The following GLRA3 variants were observed in gnomAD, a reference collection of about 807,000 sequenced individuals.
The protein encoded by GLRA3 is glycine receptor subunit alpha-3.
A neutral mutation model predicts 60.4 loss-of-function variants in GLRA3; 44 were observed. The ratio of observed to expected loss-of-function variants is 0.73; its 90% CI spans 0.57 to 0.94. The LOEUF is 0.94. GLRA3 is among the 40% of genes least tolerant of loss of function. The pLI is 0.00. For missense variants in GLRA3, 508 were observed against 564.6 expected (o/e 0.90, Z 1.02); for synonymous variants, 223 against 192.9 (o/e 1.16, Z -1.29).
At chr4:174,649,970 T>C (rs1017182963) in intron 9 of GLRA3, among the ~76,000 whole-genome samples, 1 of 152,092 alleles carries the variant, frequency 6.6e-6, no homozygotes, top group Non-Finnish European at 1.5e-5. Flanking sequence ...GTCCAGATCA[T>C]TGTCAAAAGT....
At chr4:174,748,998 T>C (rs934686880) in intron 3 of GLRA3, among the ~76,000 whole-genome samples, 5 of 152,206 alleles carry the variant, frequency 3.3e-5, no homozygotes, top group African/African-American at 1.2e-4. Flanking sequence ...TATGGGATTA[T>C]AGTATCATTG....
At chr4:174,759,172 G>T (rs1737844218) in intron 3 of GLRA3, among the ~76,000 whole-genome samples, 1 of 152,068 alleles carries the variant, frequency 6.6e-6, no homozygotes, top group Non-Finnish European at 1.5e-5. Flanking sequence ...GTGGCAGAGT[G>T]TGTAAGTACT....
chr4:174,819,545 C>T (rs1578938912), intron 1 of GLRA3, among the ~76,000 whole-genome samples: 2 of 152,180 alleles, frequency 1.3e-5, no homozygotes, highest in East Asian at 1.9e-4. Flanking sequence ...AATATTTCCT[C>T]CTTCTTTATA....
At chr4:174,796,605 T>A (rs1282039086) in intron 1 of GLRA3, among the ~76,000 whole-genome samples, 2 of 151,958 alleles carry the variant, frequency 1.3e-5, no homozygotes, top group Non-Finnish European at 2.9e-5. Context: ...GGCGCGATCT[T>A]GGCTGACTGA....
intron 3 of GLRA3, among the ~76,000 whole-genome samples, chr4:174,764,227 T>G (rs1738049943): frequency 6.8e-6 from 1 of 147,396 alleles, no homozygotes; most frequent in Admixed American, 6.6e-5. Context: ...AATAGAGAAA[T>G]TTTCCCAAGG....
chr4:174,643,875 A>C lies in GLRA3; in HGVS notation c.1306T>G (p.Phe436Val). The C allele has an allele frequency of 1.2e-6, 2 of 1,614,136 alleles. No individual in the cohort carries two copies. Among genetic ancestry groups the C allele is most frequent in the South Asian group, 2.2e-5 (2 of 91,080 alleles). Residue 436 changes from phenylalanine to valine, a missense_variant, in exon 10 of 10, where the codon TTC becomes GTC. Phe to Val is a conservative substitution (Grantham distance 50). Around this residue, in one of 3 missense-constraint regions of GLRA3, gnomAD observed 176 missense variants for 197.9 expected, o/e 0.89. Transcript: ENST00000274093. The stretch of plus-strand genomic sequence containing the variant: ...TTAAAAATCAAAAAAGCTAATGGGA[A>C]GCAGGCTCGGGAGATGGTATCAATC... ...KKIDTISRACFPLAFLIFNIF... is the reference protein window; with the variant it reads ...KKIDTISRACVPLAFLIFNIF...
intron 2 of GLRA3, among the ~76,000 whole-genome samples, chr4:174,779,092 C>T (rs1178490620): frequency 6.6e-6 from 1 of 152,180 alleles, no homozygotes; most frequent in African/African-American, 2.4e-5. Flanking sequence ...TTGAAGAGAG[C>T]AGTGGTTCTC....
chr4:174,713,113 A>G (rs963213704), intron 5 of GLRA3, among the ~76,000 whole-genome samples: 1 of 152,144 alleles, frequency 6.6e-6, no homozygotes, highest in African/African-American at 2.4e-5. Context: ...GAGGTTTAAT[A>G]AACAAAGTCT....
intron 1 of GLRA3, among the ~76,000 whole-genome samples, chr4:174,819,244 GA>G (rs1410058143): frequency 6.6e-6 from 1 of 152,152 alleles, no homozygotes; most frequent in Non-Finnish European, 1.5e-5. Context: ...TGCTGACAAT[GA>G]AAAATTTTGT....
chr4:174,822,008 C>T (rs1740759512), intron 1 of GLRA3, among the ~76,000 whole-genome samples: 1 of 152,114 alleles, frequency 6.6e-6, no homozygotes, highest in Admixed American at 6.5e-5. Context: ...TTGAATTAAA[C>T]ATTATGGAGG....
chr4:174,796,210 T>C (rs1739558490), intron 1 of GLRA3, among the ~76,000 whole-genome samples: 1 of 152,054 alleles, frequency 6.6e-6, no homozygotes, highest in Admixed American at 6.6e-5. Flanking sequence ...GAGGTTACAG[T>C]GAAAAGAGAG....
intron 2 of GLRA3, among the ~76,000 whole-genome samples, chr4:174,788,287 T>C (rs1739196490): frequency 6.6e-6 from 1 of 152,048 alleles, no homozygotes; most frequent in Non-Finnish European, 1.5e-5. Flanking sequence ...ACAATTACAC[T>C]CTTTCCTAGA....
chr4:174,811,185 G>GTTT (rs76452779), intron 1 of GLRA3, among the ~76,000 whole-genome samples: 36 of 113,942 alleles, frequency 3.2e-4, no homozygotes, highest in African/African-American at 9.4e-4. Context: ...TTCCCCGCCT[G>GTTT]TTTTTTTTTT....
At chr4:174,767,161 C>A in intron 2 of GLRA3, 131 bp from the exon 3 acceptor site, 1 of 532,400 alleles carries the variant, frequency 1.9e-6, no homozygotes, top group Non-Finnish European at 3.4e-6. Context: ...CACACAGATG[C>A]TTAAAATTGA....
chr4:174,725,251 A>G (rs112326131), intron 4 of GLRA3, among the ~76,000 whole-genome samples: 41 of 152,192 alleles, frequency 2.7e-4, no homozygotes, highest in African/African-American at 9.9e-4. Context: ...ATTCTGTTTT[A>G]TGGTTCACTG....
At chr4:174,796,260 T>C (rs1739561513) in intron 1 of GLRA3, among the ~76,000 whole-genome samples, 1 of 152,106 alleles carries the variant, frequency 6.6e-6, no homozygotes, top group South Asian at 2.1e-4. Context: ...ACCAGACAAT[T>C]TGCTGGTGCT....
chr4:174,692,381 C>T (rs1259126644), intron 5 of GLRA3, among the ~76,000 whole-genome samples: 2,001 of 149,856 alleles, frequency 0.013, 55 homozygotes, highest in African/African-American at 0.045. Flanking sequence ...TCTGCCTGGC[C>T]GCCCCTACTG....
intron 5 of GLRA3, among the ~76,000 whole-genome samples, chr4:174,692,049 G>T (rs189166391): frequency 2.1e-5 from 3 of 145,524 alleles, no homozygotes; most frequent in Non-Finnish European, 4.5e-5. Context: ...CCACCACCCC[G>T]TCTGGGAGGT....
At chr4:174,818,482 A>G (rs773696785) in intron 1 of GLRA3, among the ~76,000 whole-genome samples, 6 of 152,188 alleles carry the variant, frequency 3.9e-5, no homozygotes, top group Non-Finnish European at 8.8e-5. Flanking sequence ...TATTTAGGCT[A>G]CACATAAAAC....
Sources: gnomAD v4.1 joint callset for allele counts (sites outside exome capture counted in the v4.1 genomes callset) on GRCh38, gnomAD v4.1.1 for gene constraint, gnomAD v4.1.1 regional missense constraint, MANE v1.5 for transcripts, NCBI Gene and HGNC (gene_info 2026-07-23, HGNC 2026-07-21) for gene names.